The following CENPP variants were observed in gnomAD, a reference collection of about 807,000 sequenced individuals.
The protein encoded by CENPP is centromere protein P.
Under a neutral mutation model 35.6 loss-of-function variants are expected in CENPP, and 24 were observed. The ratio of observed to expected loss-of-function variants is 0.67; its 90% CI spans 0.49 to 0.95. CENPP has a LOEUF of 0.95. Ranked by LOEUF, CENPP falls within the 40% of genes least tolerant of loss-of-function variation. The pLI, the probability that CENPP is intolerant of heterozygous loss-of-function variation, is 0.00. For missense variants in CENPP, 332 were observed against 345.3 expected, an observed-to-expected ratio of 0.96 and a Z score of 0.31; for synonymous variants, 120 against 125.5, an observed-to-expected ratio of 0.96 and a Z score of 0.29.
intron 5 of CENPP, among the ~76,000 whole-genome samples, chr9:92,411,887 G>A (rs1288386364): frequency 6.6e-6 from 1 of 152,136 alleles, no homozygotes; most frequent in African/African-American, 2.4e-5. Context: ...CTCACCAGAT[G>A]TGAAAGTTAT....
At chr9:92,403,468 A>C in intron 5 of CENPP, 1 of 1,529,986 alleles carries the variant, frequency 6.5e-7, no homozygotes, top group Non-Finnish European at 8.8e-7. Context: ...CTGTGGGACA[A>C]AACTCTCTTT....
chr9:92,551,590 T>G (rs1410191148), intron 5 of CENPP, among the ~76,000 whole-genome samples: 1 of 152,094 alleles, frequency 6.6e-6, no homozygotes, highest in Non-Finnish European at 1.5e-5. Flanking sequence ...AGTTGTTTAG[T>G]GGTGATTTGT....
intron 5 of CENPP, among the ~76,000 whole-genome samples, chr9:92,448,169 T>G (rs1036562333): frequency 6.6e-6 from 1 of 152,170 alleles, no homozygotes; most frequent in Non-Finnish European, 1.5e-5. Context: ...GACTGCAGCA[T>G]TGTAGTAAAG....
At chr9:92,394,684 A>G (rs965173679) in intron 5 of CENPP, among the ~76,000 whole-genome samples, 3 of 149,220 alleles carry the variant, frequency 2.0e-5, no homozygotes, top group African/African-American at 5.0e-5. Flanking sequence ...GGCTCACTGC[A>G]GTCTCCGCCT....
At chr9:92,439,594 C>T (rs1226334840) in intron 5 of CENPP, among the ~76,000 whole-genome samples, 1 of 152,104 alleles carries the variant, frequency 6.6e-6, no homozygotes, top group Non-Finnish European at 1.5e-5. Flanking sequence ...GAAGAGGTTT[C>T]AATGAGGCTG....
chr9:92,341,207 C>T lies in CENPP; in HGVS notation c.378+3578C>T, dbSNP rs527265444. Among the ~76,000 whole-genome samples the T allele has an allele frequency of 4.3e-4, 65 of 152,276 alleles. 1 individual carries two copies. The highest frequency in any genetic ancestry group is 2.9e-5 in the Non-Finnish European group (2 of 68,030). The stretch of plus-strand genomic sequence containing the variant: ...ACCAGTTGATCTCAAAACCCTGTCT[C>T]CTGATAAGATGTTATCAATGACAAT... On this transcript the variant is annotated intron_variant, in intron 3 of 7. Transcript: ENST00000375587.
In CENPP at chr9:92,615,904, G is replaced by C; in HGVS notation, c.*2755G>C. 1 of 1,614,152 alleles carries C rather than the reference G, an allele frequency of 6.2e-7. No homozygotes were observed. The highest frequency in any genetic ancestry group is 1.3e-5 in the African/African-American group (1 of 75,036). On this transcript the variant is annotated 3_prime_UTR_variant, in exon 8 of 8. Coordinates refer to ENST00000375587, the MANE Select transcript of CENPP (RefSeq NM_001012267.3). The stretch of plus-strand genomic sequence containing the variant: ...GAGTCGACATCACGGCGTTGTCTTT[G>C]GCACGTACAGTCTTTGAATAATAGT...
chr9:92,494,289 G>A, intron 5 of CENPP: 1 of 668,134 alleles, frequency 1.5e-6, no homozygotes, highest in Non-Finnish European at 2.4e-6. Flanking sequence ...AGCTTAGATT[G>A]CCTTAAACCA....
At chr9:92,351,334 G>T (rs575645941) in intron 4 of CENPP, among the ~76,000 whole-genome samples, 120 of 151,990 alleles carry the variant, frequency 7.9e-4, no homozygotes, top group Non-Finnish European at 1.4e-3. Context: ...ACAAAAACTA[G>T]CTGGGCATGG....
chr9:92,433,583 A>G (rs1008851764), intron 5 of CENPP, among the ~76,000 whole-genome samples: 10 of 152,216 alleles, frequency 6.6e-5, no homozygotes, highest in Non-Finnish European at 1.5e-4. Flanking sequence ...TTTGTAAAAC[A>G]TCTGAAATGT....
chr9:92,586,086 C>T (rs769974389), intron 5 of CENPP, among the ~76,000 whole-genome samples: 72 of 152,318 alleles, frequency 4.7e-4, no homozygotes, highest in Middle Eastern at 3.4e-3. Flanking sequence ...GCTCTTGTCG[C>T]CCAGGCTGGA....
At chr9:92,411,118 G>T (rs539020320) in intron 5 of CENPP, among the ~76,000 whole-genome samples, 1 of 151,776 alleles carries the variant, frequency 6.6e-6, no homozygotes, top group Non-Finnish European at 1.5e-5. Context: ...GACTACAGGC[G>T]CCTGCCACCA....
rs199600306 is a variant in CENPP, at chr9:92,500,950, G to A, written c.565-110364G>A. On this transcript the variant is annotated intron_variant, in intron 5 of 7. Coordinates refer to ENST00000375587, the MANE Select transcript of CENPP (RefSeq NM_001012267.3). The stretch of plus-strand genomic sequence containing the variant: ...TGGCCAAACACATAGCCAGGGATCC[G>A]TTCAATCTGGTTCCCAAGGAGTACT... 195 of 1,614,032 alleles carry A rather than the reference G, an allele frequency of 1.2e-4. No individual in the cohort carries two copies. Among genetic ancestry groups the A allele is most frequent in the Non-Finnish European group, 1.4e-4 (171 of 1,180,048 alleles).
intron 5 of CENPP, among the ~76,000 whole-genome samples, chr9:92,498,071 T>C (rs767130567): frequency 6.6e-6 from 1 of 152,156 alleles, no homozygotes; most frequent in African/African-American, 2.4e-5. Context: ...CCTTTTCTCT[T>C]TATAAATTAC....
In CENPP at chr9:92,618,401, A is replaced by G. The variant is rs193278744; in HGVS notation, c.*5252A>G. On this transcript the variant is annotated 3_prime_UTR_variant, in exon 8 of 8. Transcript: ENST00000375587. Reference sequence around the variant, plus strand: ...GCTTTCCAATTTGACATCACTGACCAGGCACTAAGAGATTCCCAGGTGCTA... The same window carrying G: ...GCTTTCCAATTTGACATCACTGACCGGGCACTAAGAGATTCCCAGGTGCTA... 1.1e-4 allele frequency: 48 copies of G among 456,632 alleles called. No individual in the cohort carries two copies. Among genetic ancestry groups the G allele is most frequent in the Non-Finnish European group, 2.0e-4 (46 of 226,954 alleles). 28.3% of individuals were successfully genotyped at this position (456,632 alleles called of 1,614,324 possible).
At chr9:92,406,020 A>G (rs1047161352) in intron 5 of CENPP, among the ~76,000 whole-genome samples, 11 of 152,188 alleles carry the variant, frequency 7.2e-5, no homozygotes, top group Non-Finnish European at 1.0e-4. Flanking sequence ...CTACACAGAA[A>G]TATGCAGAGT....
At chr9:92,474,713 G>A in intron 5 of CENPP, 1 of 1,613,378 alleles carries the variant, frequency 6.2e-7, no homozygotes, top group Non-Finnish European at 8.5e-7. Flanking sequence ...ATGGCTTCTT[G>A]GCTCTCTTGT....
chr9:92,395,538 T>C (rs1228331027), intron 5 of CENPP, among the ~76,000 whole-genome samples: 2 of 152,214 alleles, frequency 1.3e-5, no homozygotes, highest in Non-Finnish European at 2.9e-5. Context: ...AGGAGTGGAA[T>C]GGCTGGGTCT....
chr9:92,340,820 A>G (rs553867525), intron 3 of CENPP, among the ~76,000 whole-genome samples: 1 of 152,296 alleles, frequency 6.6e-6, no homozygotes, highest in South Asian at 2.1e-4. Context: ...CACAAATTGT[A>G]CAGCATGTGT....
Sources: gnomAD v4.1 joint callset for allele counts (sites outside exome capture counted in the v4.1 genomes callset) on GRCh38, gnomAD v4.1.1 for gene constraint, MANE v1.5 for transcripts, NCBI Gene and HGNC (gene_info 2026-07-23, HGNC 2026-07-21) for gene names.